The following MAGI1 variants were observed in gnomAD, a reference collection of about 807,000 sequenced individuals.
MAGI1 encodes the protein membrane associated guanylate kinase, WW and PDZ domain containing 1.
MAGI1 carries 58 observed loss-of-function variants against 139.9 expected under a neutral mutation model. The observed-to-expected ratio is 0.41, with a 90% CI of 0.34 to 0.52. MAGI1 has a LOEUF of 0.52. Ranked by LOEUF, MAGI1 falls within the 20% of genes least tolerant of loss-of-function variation. MAGI1 has a pLI of 0.12. For synonymous variants in MAGI1, 812 were observed against 737.9 expected, an observed-to-expected ratio of 1.10 and a Z score of -1.63; for missense variants, 1,874 against 1,901.6, an observed-to-expected ratio of 0.99 and a Z score of 0.27.
At chr3:65,880,962 AG>A (rs2060304955) in intron 1 of MAGI1, among the ~76,000 whole-genome samples, 1 of 128,874 alleles carries the variant, frequency 7.8e-6, no homozygotes, top group Non-Finnish European at 1.7e-5. Context: ...TCTGTCACCC[AG>A]GCTGGAGTGC....
At chr3:65,358,140 GC>G (rs1940397977) in intron 22 of MAGI1, among the ~76,000 whole-genome samples, 1 of 152,096 alleles carries the variant, frequency 6.6e-6, no homozygotes, top group African/African-American at 2.4e-5. Flanking sequence ...AAGCAGGGCA[GC>G]CCATAATGGC....
At chr3:65,597,822 C>G (rs549682395) in intron 2 of MAGI1, 1 of 456,448 alleles carries the variant, frequency 2.2e-6, no homozygotes, top group African/African-American at 2.0e-5. Flanking sequence ...TGCCTGCAAA[C>G]CCCAGCCCAA....
chr3:65,662,021 A>G (rs2086228041), intron 1 of MAGI1, among the ~76,000 whole-genome samples: 1 of 152,114 alleles, frequency 6.6e-6, no homozygotes, highest in African/African-American at 2.4e-5. Flanking sequence ...TGCTGGGATT[A>G]CAGGCATGAG....
At chr3:65,428,149 G>A (rs902819908) in intron 12 of MAGI1, among the ~76,000 whole-genome samples, 6 of 152,064 alleles carry the variant, frequency 3.9e-5, no homozygotes, top group Non-Finnish European at 5.9e-5. Context: ...TGAGAATCTG[G>A]CTGCTGTGAC....
chr3:65,655,214 A>G (rs1430769074), intron 1 of MAGI1, among the ~76,000 whole-genome samples: 1 of 152,058 alleles, frequency 6.6e-6, no homozygotes, highest in African/African-American at 2.4e-5. Flanking sequence ...GAGGACAGAC[A>G]GAGACGTAGA....
chr3:65,435,077 T>A (rs1480088736), intron 10 of MAGI1, among the ~76,000 whole-genome samples: 1 of 152,194 alleles, frequency 6.6e-6, no homozygotes, highest in East Asian at 1.9e-4. Context: ...CATTGGACAC[T>A]CGATCTGCCA....
At chr3:65,427,757 A>G (rs1376688653) in intron 12 of MAGI1, among the ~76,000 whole-genome samples, 4 of 152,254 alleles carry the variant, frequency 2.6e-5, no homozygotes, top group East Asian at 1.9e-4. Flanking sequence ...GAAGTGACAA[A>G]TATCAGTGGA....
intron 2 of MAGI1, among the ~76,000 whole-genome samples, chr3:65,529,439 T>C (rs1318421217): frequency 6.6e-6 from 1 of 152,218 alleles, no homozygotes; most frequent in African/African-American, 2.4e-5. Context: ...ACAAATGGAA[T>C]GATACAATAT....
In MAGI1 at chr3:65,759,086, AAAAAAAAAAT is replaced by A. The variant is rs1252604174; in HGVS notation, c.314-137008_314-136999del. 7.2e-4 allele frequency among the ~76,000 whole-genome samples: 106 copies of A among 147,434 alleles called. 1 individual carries two copies. Among genetic ancestry groups the A allele is most frequent in the African/African-American group, 2.7e-3 (103 of 37,548 alleles). On this transcript the variant is annotated intron_variant, in intron 1 of 22. Coordinates refer to ENST00000402939, the MANE Select transcript of MAGI1 (RefSeq NM_001033057.2). ...AGTGCAAAAAAAAAAAAAAAAAAAA[AAAAAAAAAAT>A]GGAAAGTGAAACTGAAGGAAGTCAA...
intron 1 of MAGI1, among the ~76,000 whole-genome samples, chr3:65,829,994 G>A (rs954348901): frequency 6.6e-6 from 1 of 152,048 alleles, no homozygotes; most frequent in Non-Finnish European, 1.5e-5. Context: ...TAGTCACAAC[G>A]GTATCTACAT....
intron 1 of MAGI1, among the ~76,000 whole-genome samples, chr3:65,704,989 C>T (rs1172840178): frequency 6.6e-6 from 1 of 152,146 alleles, no homozygotes; most frequent in South Asian, 2.1e-4. Context: ...TTAAAAATGG[C>T]TCTGCCTGGC....
intron 1 of MAGI1, among the ~76,000 whole-genome samples, chr3:65,690,973 CCTGAGAGTATTT>C (rs2088575447): frequency 1.3e-5 from 2 of 152,154 alleles, no homozygotes; most frequent in African/African-American, 4.8e-5. Context: ...GAGTGACCAT[CCTGAGAGTATTT>C]CTTAGGACAC....
At chr3:65,501,324 G>GA (rs1240966388) in intron 2 of MAGI1, among the ~76,000 whole-genome samples, 1 of 151,744 alleles carries the variant, frequency 6.6e-6, no homozygotes, top group Non-Finnish European at 1.5e-5. Flanking sequence ...ACTAAAAATA[G>GA]AAAAATTAGT....
intron 3 of MAGI1, 135 bp from the exon 4 acceptor site, chr3:65,478,933 T>G (rs1951071777): frequency 1.5e-6 from 1 of 674,946 alleles, no homozygotes; most frequent in Non-Finnish European, 2.6e-6. Context: ...GTATTTTATT[T>G]CTGGAGTGGG....
chr3:65,946,587 T>C (rs997961427), intron 1 of MAGI1, among the ~76,000 whole-genome samples: 3 of 151,890 alleles, frequency 2.0e-5, no homozygotes, highest in African/African-American at 7.3e-5. Flanking sequence ...GTCTTGGCAA[T>C]GGCATTCAGT....
At chr3:65,758,618 C>T (rs1258964791) in intron 1 of MAGI1, among the ~76,000 whole-genome samples, 17 of 152,092 alleles carry the variant, frequency 1.1e-4, no homozygotes, top group Admixed American at 1.1e-3. Context: ...CGTCTGGAGA[C>T]ATTATTGGTT....
chr3:65,846,974 T>TGCA, intron 1 of MAGI1, among the ~76,000 whole-genome samples: 1 of 22,326 alleles, frequency 4.5e-5, no homozygotes, highest in Admixed American at 6.1e-4. Context: ...AGCAATGTCT[T>TGCA]ACAAAAAAAA....
At chr3:65,474,677 CA>C (rs2107599241) in intron 4 of MAGI1, among the ~76,000 whole-genome samples, 1 of 152,154 alleles carries the variant, frequency 6.6e-6, no homozygotes, top group Non-Finnish European at 1.5e-5. Flanking sequence ...GTGACTTCAA[CA>C]ACATAAGCCA....
chr3:65,908,836 A>G (rs1235424264), intron 1 of MAGI1, among the ~76,000 whole-genome samples: 2 of 152,220 alleles, frequency 1.3e-5, no homozygotes, highest in Non-Finnish European at 2.9e-5. Context: ...GTCATTAACC[A>G]TAATGACCAC....
Sources: gnomAD v4.1 joint callset for allele counts (sites outside exome capture counted in the v4.1 genomes callset) on GRCh38, gnomAD v4.1.1 for gene constraint, MANE v1.5 for transcripts, NCBI Gene and HGNC (gene_info 2026-07-23, HGNC 2026-07-21) for gene names.